The following RBAK variants were observed in gnomAD, a reference collection of about 807,000 sequenced individuals.
RBAK encodes the protein RB-associated KRAB zinc finger protein.
RBAK carries 39 observed loss-of-function variants against 65.8 expected under a neutral mutation model. That is an observed-to-expected ratio of 0.59 (90% CI 0.46 to 0.77). The LOEUF is 0.77. Among genes scored for constraint, RBAK ranks in the 30% least tolerant of loss-of-function variants. The pLI is 0.00. For synonymous variants in RBAK, 343 were observed against 289.7 expected (o/e 1.18, Z -1.87); for missense variants, 884 against 855.1 (o/e 1.03, Z -0.42).
intron 4 of RBAK, among the ~76,000 whole-genome samples, 160 bp downstream of exon 4, chr7:5,057,939 T>C (rs1293648884): frequency 6.6e-6 from 1 of 152,236 alleles, no homozygotes; most frequent in Admixed American, 6.5e-5. Flanking sequence ...TTGTTGATTT[T>C]ACATTTGATT....
At chr7:5,060,503 T>C (rs1192048127) in intron 4 of RBAK, among the ~76,000 whole-genome samples, 2 of 152,268 alleles carry the variant, frequency 1.3e-5, no homozygotes, top group East Asian at 1.9e-4. Context: ...CCAATGCACA[T>C]TGTGCAACTT....
rs751617270 is a variant in RBAK, at chr7:5,065,265, C to A, written c.1809C>A (p.Phe603Leu). ...ATGAATGTTACGAATGTGGAAAATT[C>A]TTCTCTCAGAAATCATATCTCACTA... The part of the protein sequence containing the change: ...KPYECYECGK[F>L]FSQKSYLTIH... Residue 603 changes from phenylalanine to leucine, a missense_variant, in exon 5 of 5, where the codon TTC becomes TTA. Coordinates refer to ENST00000396912, the MANE Select transcript of RBAK (RefSeq NM_021163.4). The surrounding 1 kb of genome is among the most constrained non-coding windows in gnomAD (Gnocchi z 5.3). 4.3e-6 allele frequency: 7 copies of A among 1,613,822 alleles called. No homozygotes were observed. The East Asian group carries it at 6.7e-5, about 15-fold the overall frequency.
Position 5,065,332 on chromosome 7 carries a change from A to G in RBAK, c.1876A>G (p.Ser626Gly), listed in dbSNP as rs747602851. 6.2e-7 allele frequency: 1 copy of G among 1,613,890 alleles called. No homozygotes were observed. Among genetic ancestry groups the G allele is most frequent in the Non-Finnish European group, 8.5e-7 (1 of 1,179,854 alleles). Residue 626 changes from serine (S) to glycine (G), a missense_variant, in exon 5 of 5, where the codon AGT (serine) becomes GGT (glycine). Transcript: ENST00000396912. This position sits in a 1 kb window ranked among gnomAD's most constrained non-coding sequence, Gnocchi z 5.3. ...IHSGEKPYEC[S>G]KCGKVFSRMS... ...TTCAGGAGAGAAACCCTATGAATGT[A>G]GTAAATGTGGAAAAGTCTTCTCTCG...
chr7:5,059,295 C>T (rs559905713), intron 4 of RBAK, among the ~76,000 whole-genome samples: 44 of 151,724 alleles, frequency 2.9e-4, no homozygotes, highest in African/African-American at 9.4e-4. Flanking sequence ...CCCTTTCTTC[C>T]TCTCCTCCCT....
At position 5,068,310 on chromosome 7, in the gene RBAK, C is replaced by A. The variant is rs1387207918; in HGVS notation, c.*2709C>A. The A allele has an allele frequency of 6.6e-6, 1 of 152,090 alleles. No homozygotes were observed. Among genetic ancestry groups the A allele is most frequent in the Non-Finnish European group, 1.5e-5 (1 of 68,030 alleles). The allele number at this position is 152,090 out of a possible 1,614,324, so 9.4% of individuals were successfully genotyped here. On this transcript the variant is annotated 3_prime_UTR_variant, in exon 5 of 5. Coordinates refer to ENST00000396912, the MANE Select transcript of RBAK (RefSeq NM_021163.4). Reference sequence around the variant, plus strand: ...TAAAACCATTCACAATCCCAGGTGGCAGTCTGGATTTGGTCTGCACTCATA... The same window carrying A: ...TAAAACCATTCACAATCCCAGGTGGAAGTCTGGATTTGGTCTGCACTCATA...
chr7:5,066,812 T>G lies in RBAK; in HGVS notation c.*1211T>G, dbSNP rs916780955. 1 of 152,200 alleles carries G rather than the reference T, an allele frequency of 6.6e-6. No individual in the cohort carries two copies. The highest frequency in any genetic ancestry group is 2.4e-5 in the African/African-American group (1 of 41,462). 9.4% of individuals were successfully genotyped at this position (152,200 alleles called of 1,614,324 possible). A position where few individuals can be genotyped will look rare whatever the true frequency, so the allele number is the denominator to read the frequency against. On this transcript the variant is annotated 3_prime_UTR_variant, in exon 5 of 5. Coordinates refer to ENST00000396912, the MANE Select transcript of RBAK (RefSeq NM_021163.4). ...TCATTCTCTTTGCCAGTAACTTGTTTTATAGTGGTCATATGACCTGATACT... is the reference window on the plus strand; with the variant it reads ...TCATTCTCTTTGCCAGTAACTTGTTGTATAGTGGTCATATGACCTGATACT...
At chr7:5,046,490 C>T (rs1036787270) in intron 1 of RBAK, 94 bp downstream of exon 1, 12 of 406,324 alleles carry the variant, frequency 3.0e-5, no homozygotes, top group Non-Finnish European at 4.3e-5. Flanking sequence ...GGGAGGGTCT[C>T]GATCGCTTGC....
chr7:5,063,692 T>C lies in RBAK; in HGVS notation c.239-3T>C, dbSNP rs773067555. Reference sequence around the variant, plus strand: ...AAGTTTGTTTACTATTTTTCCTTTTTAGAAGCCTGGAGAGTTGATGACCTG... The same window carrying C: ...AAGTTTGTTTACTATTTTTCCTTTTCAGAAGCCTGGAGAGTTGATGACCTG... On this transcript the variant is annotated splice_polypyrimidine_tract_variant and splice_region_variant and intron_variant, in intron 4 of 4. Transcript: ENST00000396912. 7.0e-5 allele frequency: 111 copies of C among 1,579,442 alleles called. No individual in the cohort carries two copies. The Admixed American group carries it at 2.1e-3, about 30-fold the overall frequency.
At position 5,069,206 on chromosome 7, in the gene RBAK, AT is replaced by A. The variant is rs1779294965; in HGVS notation, c.*3610del. 1 of 152,172 alleles carries A rather than the reference AT, an allele frequency of 6.6e-6. No homozygotes were observed. The highest frequency in any genetic ancestry group is 2.4e-5 in the African/African-American group (1 of 41,442). The allele number at this position is 152,172 out of a possible 1,614,324, so 9.4% of individuals were successfully genotyped here. A position where few individuals can be genotyped will look rare whatever the true frequency, so the allele number is the denominator to read the frequency against. ...TTGTGTCGCTCATCACTCTAATCAT[AT>A]TTTTCTAGATGTGTATGAATATGCT... On this transcript the variant is annotated 3_prime_UTR_variant, in exon 5 of 5. Coordinates refer to ENST00000396912, the MANE Select transcript of RBAK (RefSeq NM_021163.4).
intron 4 of RBAK, 31 bp from the exon 5 acceptor site, chr7:5,063,664 A>T: frequency 6.6e-7 from 1 of 1,506,402 alleles, no homozygotes. Flanking sequence ...GTTCAGATTT[A>T]CAAAGTTTGT....
At position 5,064,764 on chromosome 7, in the gene RBAK, A is replaced by G. The variant is rs1055531026; in HGVS notation, c.1308A>G (p.Lys436=). ...EKPYQCSECG[K]FFSRVSYLTI... ...CCTATCAGTGTAGCGAGTGTGGGAA[A>G]TTCTTTTCTCGGGTGTCATACCTCA... The change falls in exon 5 of 5, where the codon AAA becomes AAG. Residue 436 remains lysine (K), a synonymous_variant. Coordinates refer to ENST00000396912, the MANE Select transcript of RBAK (RefSeq NM_021163.4). This position sits in a 1 kb window ranked among gnomAD's most constrained non-coding sequence, Gnocchi z 6.3. The G allele has an allele frequency of 6.2e-7, 1 of 1,613,978 alleles. No individual in the cohort carries two copies. The highest frequency in any genetic ancestry group is 8.5e-7 in the Non-Finnish European group (1 of 1,179,956).
At chr7:5,053,395 C>T (rs1366769335) in intron 2 of RBAK, among the ~76,000 whole-genome samples, 1 of 151,820 alleles carries the variant, frequency 6.6e-6, no homozygotes, top group Non-Finnish European at 1.5e-5. Flanking sequence ...TTTTTTCTTT[C>T]CCCCCTTATG....
chr7:5,057,405 C>T lies in RBAK; in HGVS notation c.126C>T (p.Ser42=), dbSNP rs780010055. Residue 42 remains serine (S), a synonymous_variant, in exon 3 of 5, where the codon AGC becomes AGT. Coordinates refer to ENST00000396912, the MANE Select transcript of RBAK (RefSeq NM_021163.4). ...TYRDVMLENY[S]HLVSVGYDTT... ...GGGATGTGATGTTGGAGAACTATAGCCATCTAGTTTCTGTGGGTGAGAATA... is the reference window on the plus strand; with the variant it reads ...GGGATGTGATGTTGGAGAACTATAGTCATCTAGTTTCTGTGGGTGAGAATA... The T allele has an allele frequency of 6.2e-7, 1 of 1,614,056 alleles. No homozygotes were observed. The highest frequency in any genetic ancestry group is 8.5e-7 in the Non-Finnish European group (1 of 1,180,014).
intron 2 of RBAK, among the ~76,000 whole-genome samples, chr7:5,051,177 CATT>C (rs773764531): frequency 6.6e-6 from 1 of 152,040 alleles, no homozygotes; most frequent in Non-Finnish European, 1.5e-5. Context: ...TATTTGATAG[CATT>C]ATTTTCTGTT....
At chr7:5,063,555 G>T in intron 4 of RBAK, 140 bp from the exon 5 acceptor site, 1 of 586,294 alleles carries the variant, frequency 1.7e-6, no homozygotes, top group South Asian at 2.3e-5. Context: ...AGAGAACTAT[G>T]CATTTGTAAT....
At chr7:5,058,216 AG>A (rs1350219378) in intron 4 of RBAK, among the ~76,000 whole-genome samples, 1 of 152,290 alleles carries the variant, frequency 6.6e-6, no homozygotes, top group East Asian at 1.9e-4. Context: ...CTGGGATTAC[AG>A]GCACATGCCA....
chr7:5,062,532 C>T (rs971408603), intron 4 of RBAK, among the ~76,000 whole-genome samples: 13 of 152,106 alleles, frequency 8.5e-5, no homozygotes, highest in Admixed American at 3.9e-4. Context: ...ACCACAGGAC[C>T]GGGGCAAAAT....
chr7:5,058,403 G>A (rs746391748), intron 4 of RBAK, among the ~76,000 whole-genome samples: 1 of 152,160 alleles, frequency 6.6e-6, no homozygotes, highest in Admixed American at 6.5e-5. Flanking sequence ...GCATTCAGAA[G>A]TCTGACATAA....
At chr7:5,046,748 C>T (rs1435032311) in intron 1 of RBAK, among the ~76,000 whole-genome samples, 1 of 152,174 alleles carries the variant, frequency 6.6e-6, no homozygotes, top group Non-Finnish European at 1.5e-5. Context: ...CTGATTCCCC[C>T]CTTAGATCTG....
Sources: gnomAD v4.1 joint callset for allele counts (sites outside exome capture counted in the v4.1 genomes callset) on GRCh38, gnomAD v4.1.1 for gene constraint, Gnocchi (gnomAD v3.1) non-coding constraint, MANE v1.5 for transcripts, NCBI Gene and HGNC (gene_info 2026-07-23, HGNC 2026-07-21) for gene names.